ZMYND8: variants seen among roughly 807,000 people sequenced by gnomAD.
ZMYND8 encodes zinc finger MYND-type containing 8.
In ZMYND8, 37 loss-of-function variants were observed where a neutral mutation model predicts 140.8. The observed-to-expected ratio is 0.26, with a 90% CI of 0.20 to 0.35. The LOEUF (loss-of-function observed/expected upper bound fraction) is 0.35, where lower values mean the gene tolerates loss of function less well. Among genes scored for constraint, ZMYND8 ranks in the 10% least tolerant of loss-of-function variants. The pLI, the probability that ZMYND8 is intolerant of heterozygous loss-of-function variation, is 1.00. For missense variants in ZMYND8, 1,068 were observed against 1,570.0 expected (o/e 0.68, Z 5.40); for synonymous variants, 592 against 597.1 (o/e 0.99, Z 0.12).
At chr20:47,294,800 A>G (rs2077535927) in intron 4 of ZMYND8, 21 bp from the exon 5 acceptor site, 2 of 1,604,228 alleles carry the variant, frequency 1.2e-6, no homozygotes, top group Admixed American at 1.7e-5. Flanking sequence ...AAAGTCATAC[A>G]TAAACGTCCG....
At chr20:47,356,261 CAAT>C (rs1251757848) in intron 1 of ZMYND8, 1 of 923,320 alleles carries the variant, frequency 1.1e-6, no homozygotes, top group Non-Finnish European at 1.3e-6. Flanking sequence ...AAAGAGAAGA[CAAT>C]AGTGCAGGGG....
intron 7 of ZMYND8, 103 bp from the exon 8 acceptor site, chr20:47,287,387 G>C (rs147721750): frequency 0.011 from 10,817 of 1,019,916 alleles, 94 homozygotes; most frequent in Non-Finnish European, 0.013. Context: ...TTTTCCCCCA[G>C]GATTAAGCTT....
At chr20:47,288,354 C>T (rs2077047507) in intron 7 of ZMYND8, among the ~76,000 whole-genome samples, 3 of 145,610 alleles carry the variant, frequency 2.1e-5, no homozygotes, top group South Asian at 4.3e-4. Flanking sequence ...TAGGCGGGGC[C>T]TTTCTATATA....
At chr20:47,273,271 T>C (rs746301264) in intron 11 of ZMYND8, among the ~76,000 whole-genome samples, 4 of 152,186 alleles carry the variant, frequency 2.6e-5, no homozygotes, top group Non-Finnish European at 5.9e-5. Context: ...ATGCAACTTA[T>C]ATGAAATTTA....
At chr20:47,333,737 A>ACAAAAAAC (rs2081156848) in intron 2 of ZMYND8, among the ~76,000 whole-genome samples, 2 of 140,756 alleles carry the variant, frequency 1.4e-5, no homozygotes, top group African/African-American at 5.8e-5. Context: ...AAAAAAAAAA[A>ACAAAAAAC]AAAAAAAAAA....
intron 21 of ZMYND8, among the ~76,000 whole-genome samples, chr20:47,214,293 G>A (rs929157594): frequency 1.6e-4 from 24 of 152,278 alleles, no homozygotes; most frequent in Non-Finnish European, 2.9e-4. Flanking sequence ...TGAGAAAATC[G>A]GGAAGACTGA....
intron 3 of ZMYND8, among the ~76,000 whole-genome samples, chr20:47,308,474 G>T (rs553146857): frequency 1.3e-5 from 2 of 152,134 alleles, no homozygotes; most frequent in Non-Finnish European, 2.9e-5. Flanking sequence ...GTTTGCCTCG[G>T]CCTCCCAAAA....
At chr20:47,314,052 A>G (rs78840100) in intron 2 of ZMYND8, among the ~76,000 whole-genome samples, 3,655 of 152,336 alleles carry the variant, frequency 0.024, 144 homozygotes, top group African/African-American at 0.083. Flanking sequence ...CTGGATGAAC[A>G]CAAAAGTACA....
intron 19 of ZMYND8, among the ~76,000 whole-genome samples, chr20:47,223,484 G>T (rs779001041): frequency 6.8e-6 from 1 of 147,574 alleles, no homozygotes; most frequent in Non-Finnish European, 1.5e-5. Flanking sequence ...CAGCCTGGGG[G>T]ACAAGAGCAA....
chr20:47,256,969 T>C (rs2074780140), intron 12 of ZMYND8, among the ~76,000 whole-genome samples: 3 of 152,006 alleles, frequency 2.0e-5, no homozygotes, highest in African/African-American at 7.3e-5. Context: ...CTCTGTGAAA[T>C]AAGAGGAGAT....
intron 11 of ZMYND8, among the ~76,000 whole-genome samples, chr20:47,267,054 C>A (rs1259857645): frequency 2.0e-5 from 3 of 152,158 alleles, no homozygotes; most frequent in Admixed American, 1.3e-4. Flanking sequence ...TAGAACGTTA[C>A]CGAGCCATAA....
At chr20:47,319,471 T>C (rs1436384961) in intron 2 of ZMYND8, 1 of 193,596 alleles carries the variant, frequency 5.2e-6, no homozygotes, top group East Asian at 1.3e-4. Flanking sequence ...GATGCCCCTC[T>C]CCTAGAAATG....
chr20:47,228,354 T>C (rs187357645), intron 17 of ZMYND8, among the ~76,000 whole-genome samples: 141 of 152,302 alleles, frequency 9.3e-4, no homozygotes, highest in African/African-American at 2.9e-3. Flanking sequence ...ATTCACGTAG[T>C]GTGAACAATC....
At chr20:47,214,320 A>G (rs1217551014) in intron 21 of ZMYND8, among the ~76,000 whole-genome samples, 1 of 152,208 alleles carries the variant, frequency 6.6e-6, no homozygotes, top group Non-Finnish European at 1.5e-5. Context: ...TGACGGCTGC[A>G]TTCCCGCACA....
chr20:47,310,215 T>C lies in ZMYND8; in HGVS notation c.86-11A>G. 10 of 1,592,566 alleles carry C rather than the reference T, an allele frequency of 6.3e-6. No individual in the cohort carries two copies. Among genetic ancestry groups the C allele is most frequent in the Non-Finnish European group, 8.5e-6 (10 of 1,173,810 alleles). On this transcript the variant is annotated splice_polypyrimidine_tract_variant and intron_variant, in intron 2 of 22. Coordinates refer to ENST00000471951, the MANE Select transcript of ZMYND8 (RefSeq NM_001281775.3). ...CTGCAGAGCCAGGATCTGAAAGAGA[T>C]ACAGGACCACAGGTTTTAAAGCAGT...
intron 16 of ZMYND8, among the ~76,000 whole-genome samples, chr20:47,235,081 AAAG>A (rs2039038833): frequency 2.0e-5 from 3 of 152,282 alleles, no homozygotes; most frequent in Admixed American, 1.3e-4. Flanking sequence ...ACTCATCAGT[AAAG>A]AATAAATTAT....
intron 2 of ZMYND8, among the ~76,000 whole-genome samples, chr20:47,334,988 G>A (rs1346251734): frequency 6.6e-6 from 1 of 151,644 alleles, no homozygotes; most frequent in Non-Finnish European, 1.5e-5. Flanking sequence ...GCTCACACCA[G>A]CAATCCCAGC....
chr20:47,344,070 C>T (rs1240128242), intron 2 of ZMYND8, among the ~76,000 whole-genome samples: 1 of 151,678 alleles, frequency 6.6e-6, no homozygotes, highest in Non-Finnish European at 1.5e-5. Flanking sequence ...CCCTCCACCC[C>T]GGGTTCAAGT....
At chr20:47,312,990 A>G (rs1392876074) in intron 2 of ZMYND8, among the ~76,000 whole-genome samples, 2 of 152,170 alleles carry the variant, frequency 1.3e-5, no homozygotes, top group Admixed American at 6.5e-5. Context: ...CAAAGGCAAG[A>G]TGACTGCACT....
Sources: allele counts gnomAD v4.1 joint callset (sites outside exome capture counted in the v4.1 genomes callset), GRCh38; gene constraint gnomAD v4.1.1; transcripts MANE v1.5; gene names NCBI Gene and HGNC (gene_info 2026-07-23, HGNC 2026-07-21).